Variants in TULP4 observed in about 807,000 individuals in gnomAD.
TULP4 encodes TUB like protein 4.
A neutral mutation model predicts 129.0 loss-of-function variants in TULP4; 16 were observed. That is an observed-to-expected ratio of 0.12 (90% CI 0.08 to 0.19). TULP4 has a LOEUF of 0.19. TULP4 is among the 10% of genes least tolerant of loss of function. The pLI, the probability that TULP4 is intolerant of heterozygous loss-of-function variation, is 1.00. For missense variants in TULP4, 1,842 were observed against 2,059.1 expected, an observed-to-expected ratio of 0.89 and a Z score of 2.04; for synonymous variants, 998 against 854.0, an observed-to-expected ratio of 1.17 and a Z score of -2.94.
At chr6:158,483,692 A>G (rs2128251807) in intron 8 of TULP4, among the ~76,000 whole-genome samples, 2 of 152,194 alleles carry the variant, frequency 1.3e-5, no homozygotes, top group South Asian at 4.1e-4. Context: ...TCCATGCACC[A>G]CCACCCCCAT....
At chr6:158,349,937 C>T (rs1222701217) in intron 1 of TULP4, among the ~76,000 whole-genome samples, 4 of 120,898 alleles carry the variant, frequency 3.3e-5, no homozygotes, top group African/African-American at 9.8e-5. Context: ...ACTTCCCAGA[C>T]GGTGTGGCGG....
Position 158,481,065 on chromosome 6 carries a change from C to A in TULP4, c.1262C>A (p.Pro421Gln), listed in dbSNP as rs999948109. 6.4e-7 allele frequency: 1 copy of A among 1,566,260 alleles called. No individual in the cohort carries two copies. The highest frequency in any genetic ancestry group is 8.7e-7 in the Non-Finnish European group (1 of 1,152,484). The change falls in exon 8 of 14, where the codon CCA becomes CAA. Residue 421 changes from proline to glutamine, a missense_variant. Coordinates refer to ENST00000367097, the MANE Select transcript of TULP4 (RefSeq NM_020245.5). ...AFIPTIKPPI[P>Q]DPNNMRDFVS... ...TCCTGTATCCTCCAGCCCCCAATTCCAGATCCGAACAACATGAGAGACTTT... is the reference window on the plus strand; with the variant it reads ...TCCTGTATCCTCCAGCCCCCAATTCAAGATCCGAACAACATGAGAGACTTT...
rs190232359 is a variant in TULP4 at position 158,406,723 on chromosome 6, C to T, written c.253-6342C>T. On this transcript the variant is annotated intron_variant, in intron 1 of 13. Coordinates refer to ENST00000367097, the MANE Select transcript of TULP4 (RefSeq NM_020245.5). ...GATGAGAAGCATGGAATGGTAGTTT[C>T]GCATTCATATCAGATTTGGTGTGGA... 1.4e-3 allele frequency among the ~76,000 whole-genome samples: 220 copies of T among 152,290 alleles called. 3 individuals carry two copies. Among genetic ancestry groups the T allele is most frequent in the Admixed American group, 0.014 (208 of 15,288 alleles).
chr6:158,422,831 A>T (rs1378295978), intron 2 of TULP4, among the ~76,000 whole-genome samples: 1 of 152,222 alleles, frequency 6.6e-6, no homozygotes, highest in East Asian at 1.9e-4. Flanking sequence ...TAAATATGCA[A>T]ATGCAGGACG....
At chr6:158,457,325 G>C (rs1009400548) in intron 5 of TULP4, among the ~76,000 whole-genome samples, 1 of 152,136 alleles carries the variant, frequency 6.6e-6, no homozygotes, top group Non-Finnish European at 1.5e-5. Flanking sequence ...CATAGCTCTT[G>C]GTCCCTGCCC....
At chr6:158,446,892 C>T (rs767021053) in intron 3 of TULP4, among the ~76,000 whole-genome samples, 21 of 152,132 alleles carry the variant, frequency 1.4e-4, no homozygotes, top group Admixed American at 2.6e-4. Context: ...CTATCGTGGG[C>T]GCCCCACCCT....
At chr6:158,264,860 CCT>C (rs1778421295) in intron 1 of TULP4, among the ~76,000 whole-genome samples, 1 of 152,120 alleles carries the variant, frequency 6.6e-6, no homozygotes, top group South Asian at 2.1e-4. Flanking sequence ...TTGAACCATA[CCT>C]CTGCATCAAA....
chr6:158,510,348 A>G lies in TULP4; in HGVS notation c.*3654A>G, dbSNP rs1780709575. 6.6e-6 allele frequency: 1 copy of G among 152,240 alleles called. No homozygotes were observed. The highest frequency in any genetic ancestry group is 2.1e-4 in the South Asian group (1 of 4,828). 9.4% of individuals were successfully genotyped at this position (152,240 alleles called of 1,614,324 possible). A position where few individuals can be genotyped will look rare whatever the true frequency, so the allele number is the denominator to read the frequency against. On this transcript the variant is annotated 3_prime_UTR_variant, in exon 14 of 14. Transcript: ENST00000367097. ...CAAAAAGTCTGCAAACCCCAGGGTCAAGCCTGCTCTGCCACAGGGTTGGAT... is the reference window on the plus strand; with the variant it reads ...CAAAAAGTCTGCAAACCCCAGGGTCGAGCCTGCTCTGCCACAGGGTTGGAT...
chr6:158,506,450 C>G, intron 13 of TULP4, 128 bp from the exon 14 acceptor site: 1 of 728,344 alleles, frequency 1.4e-6, no homozygotes, highest in East Asian at 2.6e-5. Flanking sequence ...CCAGGGTGGT[C>G]TCTATCTCCT....
chr6:158,475,647 GGT>G (rs1366903221), intron 6 of TULP4, among the ~76,000 whole-genome samples: 3 of 152,172 alleles, frequency 2.0e-5, no homozygotes, highest in Non-Finnish European at 4.4e-5. Context: ...CTTCAGCATG[GGT>G]GAGGTCTGTG....
Position 158,508,812 on chromosome 6 carries a change from CT to C in TULP4, c.*2121del, listed in dbSNP as rs978377335. On this transcript the variant is annotated 3_prime_UTR_variant, in exon 14 of 14. Coordinates refer to ENST00000367097, the MANE Select transcript of TULP4 (RefSeq NM_020245.5). Reference sequence around the variant, plus strand: ...TTTTATTTATTTAGAAAAATAGTATCTTTGTTAACGACTTACATGGTCACAG... The same window carrying C: ...TTTTATTTATTTAGAAAAATAGTATCTTGTTAACGACTTACATGGTCACAG... 1 of 137,984 alleles carries C rather than the reference CT, an allele frequency of 7.2e-6. No homozygotes were observed. The highest frequency in any genetic ancestry group is 1.5e-5 in the Non-Finnish European group (1 of 64,768). The allele number at this position is 137,984 out of a possible 1,614,324, so 8.5% of individuals were successfully genotyped here.
chr6:158,249,513 T>C (rs1362459239), intron 1 of TULP4, among the ~76,000 whole-genome samples: 1 of 152,224 alleles, frequency 6.6e-6, no homozygotes, highest in Non-Finnish European at 1.5e-5. Context: ...TTAGGTAGTG[T>C]AGGATTGGGA....
At chr6:158,489,514 T>C in intron 8 of TULP4, 74 bp from the exon 9 acceptor site, 2 of 1,577,760 alleles carry the variant, frequency 1.3e-6, no homozygotes, top group East Asian at 2.2e-5. Context: ...TGTCTTTTAG[T>C]TTATAGTAAT....
intron 11 of TULP4, 147 bp from the exon 12 acceptor site, chr6:158,498,522 T>C (rs1780378810): frequency 1.1e-6 from 1 of 919,118 alleles, no homozygotes; most frequent in Non-Finnish European, 1.7e-6. Context: ...AATGAAGAGC[T>C]CCTCTCAGCC....
At position 158,237,877 on chromosome 6, in the gene TULP4, A is replaced by G. The variant is rs147028248; in HGVS notation, n.68+5574A>G. ...TGGATCTGCAAGTGAGTAAGCAGAA[A>G]TAAACTGTGCCAGGGTATGAATATC... On this transcript the variant is annotated intron_variant and non_coding_transcript_variant, in intron 1 of 1. Transcript: ENST00000620026. 7.6e-5 allele frequency: 57 copies of G among 745,134 alleles called. No individual in the cohort carries two copies. In the African/African-American group the frequency reaches 9.2e-4, roughly 12 times the overall value. 46.2% of individuals were successfully genotyped at this position (745,134 alleles called of 1,614,324 possible).
intron 1 of TULP4, among the ~76,000 whole-genome samples, chr6:158,404,068 A>T (rs1777917466): frequency 6.6e-6 from 1 of 152,196 alleles, no homozygotes; most frequent in South Asian, 2.1e-4. Flanking sequence ...CTAATGTCTG[A>T]TGTGGAAATG....
At chr6:158,388,510 T>C (rs921610341) in intron 1 of TULP4, among the ~76,000 whole-genome samples, 11 of 151,758 alleles carry the variant, frequency 7.2e-5, no homozygotes, top group Admixed American at 6.6e-5. Flanking sequence ...TTTGTAGTTT[T>C]AGTAGAGATG....
intron 1 of TULP4, among the ~76,000 whole-genome samples, chr6:158,234,168 T>C (rs1480739800): frequency 2.0e-5 from 3 of 152,256 alleles, no homozygotes; most frequent in African/African-American, 7.2e-5. Flanking sequence ...ATCATATTTA[T>C]CTTTCAGCCT....
rs1779894129 is a variant in TULP4, at chr6:158,331,754, C to CACGTAT, written c.252+17490_252+17491insATACGT. Among the ~76,000 whole-genome samples, 3 of 15,286 alleles carry CACGTAT rather than the reference C, an allele frequency of 2.0e-4. 1 individual carries two copies. The highest frequency in any genetic ancestry group is 3.6e-4 in the Non-Finnish European group (3 of 8,372). 10.0% of individuals were successfully genotyped at this position (15,286 alleles called of 152,430 possible). On this transcript the variant is annotated intron_variant, in intron 1 of 13. Coordinates refer to ENST00000367097, the MANE Select transcript of TULP4 (RefSeq NM_020245.5). ...ATACGTATATATATACGTGTATATA[C>CACGTAT]ACGTGTATATATACACGTATATATA...
Sources: allele counts gnomAD v4.1 joint callset (sites outside exome capture counted in the v4.1 genomes callset), GRCh38; gene constraint gnomAD v4.1.1; transcripts MANE v1.5; gene names NCBI Gene and HGNC (gene_info 2026-07-23, HGNC 2026-07-21).